The following ARMH4 variants were observed in gnomAD, a reference collection of about 807,000 sequenced individuals.
The protein encoded by ARMH4 is armadillo like helical domain containing 4.
Under a neutral mutation model 61.9 loss-of-function variants are expected in ARMH4, and 49 were observed. The ratio of observed to expected loss-of-function variants is 0.79; its 90% CI spans 0.63 to 1.00. The LOEUF is 1.00. Ranked by LOEUF, ARMH4 falls within the 50% of genes least tolerant of loss-of-function variation. The pLI is 0.00. For synonymous variants in ARMH4, 368 were observed against 341.5 expected (o/e 1.08, Z -0.85); for missense variants, 934 against 930.0 (o/e 1.00, Z -0.06).
At chr14:58,087,546 T>G (rs943200513) in intron 5 of ARMH4, among the ~76,000 whole-genome samples, 4 of 152,116 alleles carry the variant, frequency 2.6e-5, no homozygotes, top group Non-Finnish European at 2.9e-5. Context: ...AAAAGAAAAT[T>G]TAAAGGGAGG....
At chr14:58,076,314 C>T (rs1248790820) in intron 5 of ARMH4, among the ~76,000 whole-genome samples, 1 of 152,180 alleles carries the variant, frequency 6.6e-6, no homozygotes, top group Non-Finnish European at 1.5e-5. Context: ...CCCTTTAGGT[C>T]TTAAAGTCAT....
chr14:58,109,027 T>C (rs1460869570), intron 4 of ARMH4, among the ~76,000 whole-genome samples: 1 of 152,240 alleles, frequency 6.6e-6, no homozygotes, highest in African/African-American at 2.4e-5. Flanking sequence ...TTCCGCTGAT[T>C]CTTTTAGAGT....
chr14:58,027,056 T>C (rs780462223), intron 5 of ARMH4, among the ~76,000 whole-genome samples: 14 of 152,198 alleles, frequency 9.2e-5, no homozygotes, highest in Non-Finnish European at 1.8e-4. Flanking sequence ...AGGGTTTGTT[T>C]TCCAAAAGTT....
chr14:58,107,994 T>C (rs1465937182), intron 4 of ARMH4, among the ~76,000 whole-genome samples: 1 of 152,304 alleles, frequency 6.6e-6, no homozygotes, highest in Middle Eastern at 3.4e-3. Flanking sequence ...CAAAAGCCAT[T>C]GTTTCCACCT....
intron 4 of ARMH4, among the ~76,000 whole-genome samples, chr14:58,121,292 T>C (rs780714330): frequency 2.6e-5 from 4 of 152,126 alleles, no homozygotes; most frequent in Non-Finnish European, 5.9e-5. Context: ...TCATGAGCCA[T>C]TCTGTATAAT....
At chr14:58,016,277 A>G (rs931370434) in intron 5 of ARMH4, among the ~76,000 whole-genome samples, 2 of 152,192 alleles carry the variant, frequency 1.3e-5, no homozygotes, top group Non-Finnish European at 2.9e-5. Context: ...GGTTATGTCT[A>G]TAGAGTATTA....
intron 4 of ARMH4, among the ~76,000 whole-genome samples, chr14:58,122,725 C>A (rs1886768452): frequency 6.6e-6 from 1 of 152,148 alleles, no homozygotes; most frequent in Admixed American, 6.5e-5. Context: ...ATAGGGCTTG[C>A]TTCCAGTGCG....
intron 5 of ARMH4, among the ~76,000 whole-genome samples, chr14:58,082,752 A>G (rs921349800): frequency 2.6e-5 from 4 of 152,196 alleles, no homozygotes; most frequent in African/African-American, 9.7e-5. Flanking sequence ...AAATTTATAA[A>G]TAGCAAATGG....
chr14:58,142,421 C>T (rs563968668), intron 1 of ARMH4, among the ~76,000 whole-genome samples: 79 of 152,100 alleles, frequency 5.2e-4, no homozygotes, highest in Non-Finnish European at 5.3e-4. Context: ...AAAAAGAAGC[C>T]GGAATTTTCC....
At chr14:58,063,365 C>A (rs1018912379) in intron 5 of ARMH4, among the ~76,000 whole-genome samples, 2 of 152,168 alleles carry the variant, frequency 1.3e-5, no homozygotes, top group Admixed American at 1.3e-4. Flanking sequence ...AGGTCATACT[C>A]ACAAGACCCC....
At chr14:58,087,496 T>G (rs572344942) in intron 5 of ARMH4, among the ~76,000 whole-genome samples, 1 of 152,304 alleles carries the variant, frequency 6.6e-6, no homozygotes, top group East Asian at 1.9e-4. Flanking sequence ...TTCATTACAT[T>G]AGCATTTGAG....
At chr14:58,015,529 A>G (rs560274176) in intron 5 of ARMH4, among the ~76,000 whole-genome samples, 1 of 152,192 alleles carries the variant, frequency 6.6e-6, no homozygotes, top group Non-Finnish European at 1.5e-5. Flanking sequence ...CAGGTGCTTA[A>G]TAAGTATTTT....
At chr14:58,081,986 C>A (rs1363581803) in intron 5 of ARMH4, among the ~76,000 whole-genome samples, 2 of 151,320 alleles carry the variant, frequency 1.3e-5, no homozygotes, top group African/African-American at 2.4e-5. Flanking sequence ...GGCAGGATAC[C>A]ACAGCTTACC....
intron 5 of ARMH4, among the ~76,000 whole-genome samples, chr14:58,084,508 T>C (rs1191181287): frequency 6.6e-6 from 1 of 152,228 alleles, no homozygotes; most frequent in African/African-American, 2.4e-5. Context: ...TATGGCTGAT[T>C]TCATACAAAT....
chr14:58,124,899 TAGG>T (rs947766779), intron 4 of ARMH4, among the ~76,000 whole-genome samples: 6 of 152,002 alleles, frequency 3.9e-5, no homozygotes, highest in African/African-American at 1.4e-4. Context: ...GCACTAAAAT[TAGG>T]AGAAGGAAAA....
chr14:58,014,553 G>A (rs1292461410), intron 5 of ARMH4, among the ~76,000 whole-genome samples: 1 of 152,056 alleles, frequency 6.6e-6, no homozygotes, highest in Non-Finnish European at 1.5e-5. Context: ...GGGCAGGAGG[G>A]GAAGAAAGGT....
chr14:58,096,733 G>C lies in ARMH4; in HGVS notation c.2080C>G (p.Gln694Glu). 6.2e-7 allele frequency: 1 copy of C among 1,613,918 alleles called. No individual in the cohort carries two copies. Residue 694 changes from glutamine to glutamate, a missense_variant, in exon 5 of 8, where the codon CAA becomes GAA. Coordinates refer to ENST00000267485, the MANE Select transcript of ARMH4 (RefSeq NM_001001872.4). ...PDALEWEQQN[Q>E]GLVRSWMEKL... is the part of the protein sequence containing the mutation. ...TACACATGACTCTTACCCAGGCCTT[G>C]ATTCTGCTGTTCCCACTCGAGGGCA...
intron 5 of ARMH4, among the ~76,000 whole-genome samples, chr14:58,040,034 C>T (rs1490772051): frequency 1.3e-5 from 2 of 151,996 alleles, no homozygotes; most frequent in Non-Finnish European, 1.5e-5. Context: ...AAAACAACAA[C>T]AACGAAAAGG....
chr14:58,096,315 C>T (rs1180544848), intron 5 of ARMH4, among the ~76,000 whole-genome samples: 2 of 152,138 alleles, frequency 1.3e-5, no homozygotes, highest in African/African-American at 4.8e-5. Flanking sequence ...CGACTCTGTC[C>T]CATGGTGCTG....
Sources: allele counts gnomAD v4.1 joint callset (sites outside exome capture counted in the v4.1 genomes callset), GRCh38; gene constraint gnomAD v4.1.1; transcripts MANE v1.5; gene names NCBI Gene and HGNC (gene_info 2026-07-23, HGNC 2026-07-21).